Variants in PRKCA observed in about 807,000 individuals in gnomAD.
The protein encoded by PRKCA is protein kinase C alpha.
PRKCA carries 27 observed loss-of-function variants against 87.0 expected under a neutral mutation model. The observed-to-expected ratio is 0.31, with a 90% CI of 0.23 to 0.43. PRKCA has a LOEUF of 0.43. PRKCA is among the 20% of genes least tolerant of loss of function. The probability of loss-of-function intolerance (pLI) is 1.00; values close to 1 mark genes in which losing one functional copy is unlikely to be tolerated. For missense variants in PRKCA, 518 were observed against 852.3 expected (o/e 0.61, Z 4.88); for synonymous variants, 329 against 311.1 (o/e 1.06, Z -0.61).
chr17:66,484,060 G>T (rs751763959), intron 2 of PRKCA, among the ~76,000 whole-genome samples: 11 of 152,128 alleles, frequency 7.2e-5, no homozygotes, highest in Admixed American at 4.6e-4. Flanking sequence ...CATGGCAGAA[G>T]GTGAAAGTCT....
intron 2 of PRKCA, among the ~76,000 whole-genome samples, chr17:66,380,547 A>G (rs1412514421): frequency 1.3e-5 from 2 of 152,230 alleles, no homozygotes; most frequent in African/African-American, 4.8e-5. Flanking sequence ...TTTAGCCACC[A>G]GCATAATCAG....
chr17:66,329,206 G>A (rs987643214), intron 2 of PRKCA, among the ~76,000 whole-genome samples: 1 of 152,204 alleles, frequency 6.6e-6, no homozygotes, highest in Admixed American at 6.5e-5. Flanking sequence ...GACATGATTT[G>A]GAGGTAGAAG....
chr17:66,712,213 T>C (rs1973348996), intron 8 of PRKCA, among the ~76,000 whole-genome samples: 1 of 152,092 alleles, frequency 6.6e-6, no homozygotes, highest in African/African-American at 2.4e-5. Context: ...TGGAAACAGT[T>C]CCTGTTTAAA....
intron 2 of PRKCA, among the ~76,000 whole-genome samples, chr17:66,379,563 C>A (rs1395161442): frequency 1.3e-5 from 2 of 152,108 alleles, no homozygotes; most frequent in African/African-American, 2.4e-5. Flanking sequence ...TTTAGTGATG[C>A]CCTTTGAAGC....
chr17:66,714,180 C>G (rs1973413925), intron 8 of PRKCA, among the ~76,000 whole-genome samples: 2 of 152,092 alleles, frequency 1.3e-5, no homozygotes, highest in African/African-American at 4.8e-5. Flanking sequence ...GTGTGAGGCC[C>G]TCTGCTTTGA....
intron 2 of PRKCA, among the ~76,000 whole-genome samples, chr17:66,408,193 C>A (rs1464704183): frequency 1.3e-5 from 2 of 152,060 alleles, no homozygotes; most frequent in Non-Finnish European, 2.9e-5. Context: ...AGGTTGATAG[C>A]GTGTTATTTG....
In PRKCA at chr17:66,303,017, TTCA is replaced by T. The variant is rs751044895; in HGVS notation, c.169_171del (p.Ile57del). 1 of 1,609,416 alleles carries T rather than the reference TTCA, an allele frequency of 6.2e-7. No homozygotes were observed. Among genetic ancestry groups the T allele is most frequent in the Non-Finnish European group, 8.5e-7 (1 of 1,177,854 alleles). On this transcript the variant is annotated inframe_deletion, in exon 1 of 17. Transcript: ENST00000413366. ...CACCTTCTGCAGCCACTGCACCGAC[TTCA>T]TCTGGTAGGTGCCGGGCCGGGCACT...
At chr17:66,785,863 C>T (rs973758463) in intron 14 of PRKCA, among the ~76,000 whole-genome samples, 1 of 152,250 alleles carries the variant, frequency 6.6e-6, no homozygotes, top group African/African-American at 2.4e-5. Flanking sequence ...GAGTCTCGCT[C>T]TGTCACCCAG....
chr17:66,656,163 T>C (rs1811537692), intron 5 of PRKCA, among the ~76,000 whole-genome samples: 1 of 152,218 alleles, frequency 6.6e-6, no homozygotes, highest in Non-Finnish European at 1.5e-5. Flanking sequence ...ATTTCCTTCA[T>C]GCAGCATTTG....
chr17:66,702,347 T>C (rs1421148477), intron 8 of PRKCA, among the ~76,000 whole-genome samples: 2 of 152,138 alleles, frequency 1.3e-5, no homozygotes, highest in Admixed American at 6.5e-5. Flanking sequence ...ATAGTGCATG[T>C]TTTCACTTAT....
chr17:66,690,129 C>T (rs746662472), intron 8 of PRKCA, among the ~76,000 whole-genome samples: 1 of 152,258 alleles, frequency 6.6e-6, no homozygotes, highest in Non-Finnish European at 1.5e-5. Context: ...TAGGTCTTAT[C>T]CAGAGAGAAT....
chr17:66,731,941 C>T (rs1227421764), intron 8 of PRKCA, among the ~76,000 whole-genome samples: 1 of 151,444 alleles, frequency 6.6e-6, no homozygotes, highest in African/African-American at 2.4e-5. Flanking sequence ...AGGCACGCAC[C>T]ACCATGCCCA....
In PRKCA at chr17:66,786,988, G is replaced by A. The variant is rs1568034167; in HGVS notation, c.1713+14G>A. 1 of 1,542,916 alleles carries A rather than the reference G, an allele frequency of 6.5e-7. No homozygotes were observed. Among genetic ancestry groups the A allele is most frequent in the Admixed American group, 1.7e-5 (1 of 59,948 alleles). On this transcript the variant is annotated intron_variant, in intron 15 of 16. Transcript: ENST00000413366. ...GTCTGCAAAGGAGTAAGTCGATTTGGATACCTTTTGTGATCATGGACCAAG... is the reference window on the plus strand; with the variant it reads ...GTCTGCAAAGGAGTAAGTCGATTTGAATACCTTTTGTGATCATGGACCAAG...
chr17:66,535,951 G>A (rs1432647006), intron 3 of PRKCA, among the ~76,000 whole-genome samples: 2 of 152,196 alleles, frequency 1.3e-5, no homozygotes, highest in Non-Finnish European at 2.9e-5. Flanking sequence ...TGAATGGACA[G>A]CATTTCCTTT....
At chr17:66,393,862 T>G (rs2040466980) in intron 2 of PRKCA, among the ~76,000 whole-genome samples, 1 of 152,020 alleles carries the variant, frequency 6.6e-6, no homozygotes, top group Non-Finnish European at 1.5e-5. Flanking sequence ...TTACTTGAGG[T>G]CAGGAGTTTG....
intron 3 of PRKCA, among the ~76,000 whole-genome samples, chr17:66,524,569 T>A (rs1192397118): frequency 1.3e-5 from 2 of 152,198 alleles, no homozygotes; most frequent in Non-Finnish European, 2.9e-5. Flanking sequence ...GCAGAGCTCT[T>A]CTGTAATTTT....
At chr17:66,638,809 C>T (rs1971214391) in intron 3 of PRKCA, among the ~76,000 whole-genome samples, 1 of 151,880 alleles carries the variant, frequency 6.6e-6, no homozygotes, top group African/African-American at 2.4e-5. Flanking sequence ...GATCGTGCCA[C>T]TGCACTCTAG....
intron 2 of PRKCA, among the ~76,000 whole-genome samples, chr17:66,483,940 C>T (rs949213802): frequency 6.6e-6 from 1 of 151,994 alleles, no homozygotes; most frequent in Admixed American, 6.6e-5. Flanking sequence ...TTGTATTAGT[C>T]CGTTTTCATG....
At chr17:66,372,936 A>G (rs1214352615) in intron 2 of PRKCA, among the ~76,000 whole-genome samples, 1 of 152,032 alleles carries the variant, frequency 6.6e-6, no homozygotes, top group Non-Finnish European at 1.5e-5. Context: ...GGGCACCTAT[A>G]ATCCCAGCTA....
Sources: gnomAD v4.1 joint callset for allele counts (sites outside exome capture counted in the v4.1 genomes callset) on GRCh38, gnomAD v4.1.1 for gene constraint, MANE v1.5 for transcripts, NCBI Gene and HGNC (gene_info 2026-07-23, HGNC 2026-07-21) for gene names.